Variants in HAS2 observed in about 807,000 individuals in gnomAD.
The protein encoded by HAS2 is HA synthase 2.
A neutral mutation model predicts 51.6 loss-of-function variants in HAS2; 16 were observed. That is an observed-to-expected ratio of 0.31 (90% CI 0.21 to 0.47). The LOEUF is 0.47. HAS2 is among the 20% of genes least tolerant of loss of function. HAS2 has a pLI of 1.00. For synonymous variants in HAS2, 228 were observed against 235.5 expected, an observed-to-expected ratio of 0.97 and a Z score of 0.29; for missense variants, 361 against 662.6, an observed-to-expected ratio of 0.54 and a Z score of 5.00.
chr8:121,621,930 T>C (rs984979181), intron 2 of HAS2, among the ~76,000 whole-genome samples: 2 of 152,240 alleles, frequency 1.3e-5, no homozygotes, highest in African/African-American at 4.8e-5. Context: ...TCTTAATTAC[T>C]CTGGCTGCCT....
chr8:121,639,941 G>C (rs1196503579), intron 1 of HAS2: 1 of 151,944 alleles, frequency 6.6e-6, no homozygotes, highest in Admixed American at 6.6e-5. Context: ...ATCTCCCACC[G>C]GGCAGTGTCC....
At chr8:121,626,420 C>T (rs553632677) in intron 2 of HAS2, among the ~76,000 whole-genome samples, 69 of 152,188 alleles carry the variant, frequency 4.5e-4, no homozygotes, top group African/African-American at 1.6e-3. Flanking sequence ...TCCTTTTGGC[C>T]ATCTCTCTCC....
intron 1 of HAS2, among the ~76,000 whole-genome samples, chr8:121,632,409 G>C (rs748300811): frequency 6.6e-6 from 1 of 151,960 alleles, no homozygotes. Context: ...TAAATTATAA[G>C]TACTTACTAC....
At chr8:121,617,460 G>A (rs566037031) in intron 2 of HAS2, among the ~76,000 whole-genome samples, 10 of 152,210 alleles carry the variant, frequency 6.6e-5, no homozygotes, top group African/African-American at 2.2e-4. Flanking sequence ...AGTATGACTT[G>A]TAGCGTGATC....
At chr8:121,632,938 T>C (rs1812952872) in intron 1 of HAS2, among the ~76,000 whole-genome samples, 1 of 152,142 alleles carries the variant, frequency 6.6e-6, no homozygotes, top group African/African-American at 2.4e-5. Flanking sequence ...ACTCTGGGTA[T>C]TTAATTAACT....
rs887577322 is a variant in HAS2, at chr8:121,613,013, A to G, written c.*1096T>C. The stretch of plus-strand genomic sequence containing the variant: ...GTAGGACCCAGTAAATTCAGGCCAC[A>G]GAACAAAACCTTTGATAAACTGCAT... On this transcript the variant is annotated 3_prime_UTR_variant, in exon 4 of 4. Transcript: ENST00000303924. The G allele has an allele frequency of 2.6e-5, 4 of 152,014 alleles. No homozygotes were observed. Among genetic ancestry groups the G allele is most frequent in the Non-Finnish European group, 5.9e-5 (4 of 68,002 alleles). 9.4% of individuals were successfully genotyped at this position (152,014 alleles called of 1,614,324 possible).
chr8:121,638,505 G>A (rs1379774445), intron 1 of HAS2, among the ~76,000 whole-genome samples: 2 of 152,098 alleles, frequency 1.3e-5, no homozygotes, highest in African/African-American at 2.4e-5. Flanking sequence ...CTATTTACCC[G>A]ACTCAGGTGA....
intron 1 of HAS2, chr8:121,639,289 C>G (rs1363886283): frequency 6.6e-6 from 1 of 152,242 alleles, no homozygotes; most frequent in African/African-American, 2.4e-5. Flanking sequence ...CCGTGTGTGA[C>G]GTCAAAGGCA....
chr8:121,618,240 G>C (rs1812732392), intron 2 of HAS2, among the ~76,000 whole-genome samples: 1 of 152,082 alleles, frequency 6.6e-6, no homozygotes, highest in Admixed American at 6.5e-5. Context: ...AGCTGATATG[G>C]AGAATAGGGC....
chr8:121,614,481 T>A lies in HAS2; in HGVS notation c.1287A>T (p.Gly429=). 5.6e-6 allele frequency: 9 copies of A among 1,613,970 alleles called. No individual in the cohort carries two copies. Among genetic ancestry groups the A allele is most frequent in the Non-Finnish European group, 7.6e-6 (9 of 1,179,832 alleles). Residue 429 remains glycine, a synonymous_variant, in exon 4 of 4, where the codon GGA becomes GGT. Transcript: ENST00000303924. The surrounding 1 kb of genome is among the most constrained non-coding windows in gnomAD (Gnocchi z 7.2). ...GAGACATGAAGACCATGACGATATT[T>A]CCTCTAAGGCAGCTGGCAAAAGATG... ...IKSSFASCLR[G]NIVMVFMSLY...
chr8:121,627,050 TG>T, intron 2 of HAS2, among the ~76,000 whole-genome samples: 1 of 152,154 alleles, frequency 6.6e-6, no homozygotes, highest in East Asian at 1.9e-4. Context: ...AAAACAAAAA[TG>T]ATGGGAGAAG....
intron 2 of HAS2, among the ~76,000 whole-genome samples, chr8:121,621,020 T>A (rs915279639): frequency 6.6e-6 from 1 of 152,186 alleles, no homozygotes; most frequent in African/African-American, 2.4e-5. Flanking sequence ...TATTTATGGC[T>A]GCTTTTCACC....
intron 1 of HAS2, among the ~76,000 whole-genome samples, chr8:121,632,747 A>ATCATCATCC (rs1812950345): frequency 6.8e-6 from 1 of 146,080 alleles, no homozygotes; most frequent in Non-Finnish European, 1.5e-5. Flanking sequence ...CATCATCATC[A>ATCATCATCC]TCATCATCAT....
At chr8:121,627,652 G>A (rs1359005519) in intron 2 of HAS2, among the ~76,000 whole-genome samples, 1 of 152,038 alleles carries the variant, frequency 6.6e-6, no homozygotes, top group African/African-American at 2.4e-5. Flanking sequence ...CTTGCCCACG[G>A]TCAACCAGCT....
At chr8:121,624,601 T>G (rs6998348) in intron 2 of HAS2, among the ~76,000 whole-genome samples, 46,933 of 152,088 alleles carry the variant, frequency 0.31, 7,746 homozygotes, top group African/African-American at 0.42. Flanking sequence ...AATGCTGTGA[T>G]ATTAAATCAA....
rs1554597329 is a variant in HAS2, at chr8:121,641,158, C to CTTTCTTTTTTTTT, written c.-307_-306insAAAAAAAAAGAAA. 1.9e-4 allele frequency: 11 copies of CTTTCTTTTTTTTT among 57,006 alleles called. No homozygotes were observed. The highest frequency in any genetic ancestry group is 3.4e-4 in the African/African-American group (5 of 14,888). The allele number at this position is 57,006 out of a possible 1,614,324, so 3.5% of individuals were successfully genotyped here. ...TAACTTTTCTTTTTTCTTTTCTTTT[C>CTTTCTTTTTTTTT]TTTTTTTTTTTTTTTTTTTTTTGGG... is the stretch of plus-strand genomic sequence containing the variant. On this transcript the variant is annotated 5_prime_UTR_variant, in exon 1 of 4. Coordinates refer to ENST00000303924, the MANE Select transcript of HAS2 (RefSeq NM_005328.3).
intron 1 of HAS2, among the ~76,000 whole-genome samples, chr8:121,631,497 G>A (rs751294517): frequency 3.9e-5 from 6 of 152,138 alleles, no homozygotes; most frequent in Non-Finnish European, 8.8e-5. Flanking sequence ...ACCAGGAAGC[G>A]AAAAAGCAAA....
At chr8:121,637,492 G>T (rs1813026240) in intron 1 of HAS2, among the ~76,000 whole-genome samples, 1 of 148,928 alleles carries the variant, frequency 6.7e-6, no homozygotes, top group East Asian at 2.0e-4. Context: ...CCGAGTTCAA[G>T]AAATTCTCCT....
chr8:121,626,749 T>C (rs11781907), intron 2 of HAS2, among the ~76,000 whole-genome samples: 44,452 of 151,986 alleles, frequency 0.29, 6,767 homozygotes, highest in Middle Eastern at 0.39. Context: ...TATCAGGGGA[T>C]TTACTGAGGG....
Sources: allele counts gnomAD v4.1 joint callset (sites outside exome capture counted in the v4.1 genomes callset), GRCh38; gene constraint gnomAD v4.1.1; non-coding constraint Gnocchi (gnomAD v3.1); transcripts MANE v1.5; gene names NCBI Gene and HGNC (gene_info 2026-07-23, HGNC 2026-07-21).